Variants in BSN observed in about 807,000 individuals in gnomAD.
The protein encoded by BSN is bassoon presynaptic cytomatrix protein.
Under a neutral mutation model 264.8 loss-of-function variants are expected in BSN, and 57 were observed. The ratio of observed to expected loss-of-function variants is 0.22; its 90% CI spans 0.17 to 0.27. The LOEUF (loss-of-function observed/expected upper bound fraction) is 0.27, where lower values mean the gene tolerates loss of function less well. Ranked by LOEUF, BSN falls within the 10% of genes least tolerant of loss-of-function variation. BSN has a pLI of 1.00. For synonymous variants in BSN, 2,059 were observed against 2,137.3 expected (o/e 0.96, Z 1.01); for missense variants, 4,615 against 5,232.5 (o/e 0.88, Z 3.64).
intron 1 of BSN, among the ~76,000 whole-genome samples, chr3:49,571,229 A>C (rs1013150598): frequency 6.6e-6 from 1 of 152,106 alleles, no homozygotes; most frequent in Non-Finnish European, 1.5e-5. Context: ...TGGAAATACT[A>C]ATTCCAGAGA....
chr3:49,654,029 C>G lies in BSN; in HGVS notation c.4473C>G (p.Phe1491Leu). The G allele has an allele frequency of 6.2e-7, 1 of 1,613,900 alleles. No homozygotes were observed. Among genetic ancestry groups the G allele is most frequent in the Middle Eastern group, 1.6e-4 (1 of 6,062 alleles). ...CTTCCCCCTCAGAGAGTCCCACATTCTCCCCTGGCAAGATGGGCCCAAGGG... is the reference window on the plus strand; with the variant it reads ...CTTCCCCCTCAGAGAGTCCCACATTGTCCCCTGGCAAGATGGGCCCAAGGG... ...SPSSPSESPT[F>L]SPGKMGPRAT... is the part of the protein sequence containing the mutation. The change falls in exon 5 of 12, where the codon TTC (phenylalanine) becomes TTG (leucine). Residue 1491 changes from phenylalanine to leucine, a missense_variant. By Grantham distance (22) the Phe-to-Leu change is conservative. Transcript: ENST00000296452. The surrounding 1 kb of genome is among the most constrained non-coding windows in gnomAD (Gnocchi z 4.1).
downstream of BSN, among the ~76,000 whole-genome samples, chr3:49,672,025 CTTT>C (rs34710169): frequency 1.6e-4 from 16 of 100,428 alleles, no homozygotes; most frequent in African/African-American, 4.4e-4. Flanking sequence ...GTTGCTAGAC[CTTT>C]TTTTTTTTTT....
At chr3:49,575,757 T>A (rs2051841450) in intron 1 of BSN, among the ~76,000 whole-genome samples, 1 of 151,306 alleles carries the variant, frequency 6.6e-6, no homozygotes, top group Admixed American at 6.6e-5. Context: ...CCACTGCCCC[T>A]TTTTTTCTAG....
Position 49,660,499 on chromosome 3 carries a change from C to A in BSN, c.8654C>A (p.Pro2885Gln). The change falls in exon 6 of 12, where the codon CCA becomes CAA. Residue 2885 changes from proline (P) to glutamine (Q), a missense_variant. Around this residue, in one of 3 missense-constraint regions of BSN, gnomAD observed 3,415 missense variants for 3,866.4 expected, o/e 0.88. Coordinates refer to ENST00000296452, the MANE Select transcript of BSN (RefSeq NM_003458.4). This position sits in a 1 kb window ranked among gnomAD's most constrained non-coding sequence, Gnocchi z 7.1. ...CCTCTGTCTCAGGTGTCGGCGTTGC[C>A]ACCCAACAGCCTGGTCCGCAAGGTG... is the stretch of plus-strand genomic sequence containing the variant. The part of the protein sequence containing the change: ...GGLGSQVSAL[P>Q]PNSLVRKVKR... The A allele has an allele frequency of 6.5e-7, 1 of 1,531,382 alleles. No individual in the cohort carries two copies. The highest frequency in any genetic ancestry group is 1.3e-5 in the South Asian group (1 of 77,282). 94.9% of individuals were successfully genotyped at this position (1,531,382 alleles called of 1,614,324 possible).
At chr3:49,647,643 A>G (rs1026597364) in intron 3 of BSN, among the ~76,000 whole-genome samples, 4 of 152,220 alleles carry the variant, frequency 2.6e-5, no homozygotes, top group African/African-American at 9.7e-5. Context: ...AACGAGCGGA[A>G]GAATAAGGGA....
chr3:49,652,983 C>T lies in BSN; in HGVS notation c.3427C>T (p.Pro1143Ser), dbSNP rs972846794. The T allele has an allele frequency of 6.2e-7, 1 of 1,613,056 alleles. No individual in the cohort carries two copies. Among genetic ancestry groups the T allele is most frequent in the Non-Finnish European group, 8.5e-7 (1 of 1,179,684 alleles). Residue 1143 changes from proline (P) to serine (S), a missense_variant, in exon 5 of 12, where the codon CCT (proline) becomes TCT (serine). Pro to Ser is a moderately conservative substitution (Grantham distance 74). Coordinates refer to ENST00000296452, the MANE Select transcript of BSN (RefSeq NM_003458.4). ...TGAGGCTGAGGCCTTGGATGGTGGC[C>T]CTAGCCGGCTTTACAAGTCAGGCAG... ...DSEAEALDGG[P>S]SRLYKSGSEY...
chr3:49,606,240 T>TTAAA (rs1287626014), intron 1 of BSN, among the ~76,000 whole-genome samples: 1 of 60,136 alleles, frequency 1.7e-5, no homozygotes, highest in Non-Finnish European at 2.8e-5. Context: ...ATATTATATA[T>TTAAA]GTATATATTA....
In BSN at chr3:49,558,353, C is replaced by T. The variant is rs142727917; in HGVS notation, c.224+3527C>T. ...TTCTCCATCATTGCCCATCAGAATG[C>T]GTAATCAATGCCAAAGTCGCCTCTC... On this transcript the variant is annotated intron_variant, in intron 1 of 11. Coordinates refer to ENST00000296452, the MANE Select transcript of BSN (RefSeq NM_003458.4). 4.4e-3 allele frequency among the ~76,000 whole-genome samples: 663 copies of T among 152,288 alleles called. 7 individuals carry two copies. The highest frequency in any genetic ancestry group is 0.015 in the African/African-American group (626 of 41,548).
At chr3:49,664,684 T>C in intron 9 of BSN, 115 bp from the exon 10 acceptor site, 2 of 1,543,764 alleles carry the variant, frequency 1.3e-6, no homozygotes, top group South Asian at 2.3e-5. Context: ...GCCCAGTTGT[T>C]CTCCGGGCAA....
intron 1 of BSN, among the ~76,000 whole-genome samples, chr3:49,557,354 G>C (rs540793234): frequency 6.6e-6 from 1 of 152,108 alleles, no homozygotes; most frequent in Non-Finnish European, 1.5e-5. Flanking sequence ...TCATTCACTC[G>C]TTAATTCATT....
Position 49,661,523 on chromosome 3 carries a change from C to T in BSN, c.9678C>T (p.Asn3226=), listed in dbSNP as rs564842995. The T allele has an allele frequency of 9.9e-6, 16 of 1,614,116 alleles. No homozygotes were observed. The Admixed American group carries it at 1.0e-4, about 10-fold the overall frequency. ...SDSHYTSLEQ[N]VPRNYVMIDD... is the part of the protein sequence containing the mutation. Reference sequence around the variant, plus strand: ...CACACTATACCAGTCTGGAGCAGAACGTTCCTCGAAACTACGTAATGATTG... The same window carrying T: ...CACACTATACCAGTCTGGAGCAGAATGTTCCTCGAAACTACGTAATGATTG... The change falls in exon 6 of 12, where the codon AAC becomes AAT. Residue 3226 remains asparagine (N), a synonymous_variant. Coordinates refer to ENST00000296452, the MANE Select transcript of BSN (RefSeq NM_003458.4).
intron 1 of BSN, among the ~76,000 whole-genome samples, chr3:49,570,438 C>G (rs1432535475): frequency 6.6e-6 from 1 of 152,192 alleles, no homozygotes; most frequent in Non-Finnish European, 1.5e-5. Context: ...AGGGTCCATG[C>G]TGTCATTGGT....
intron 1 of BSN, among the ~76,000 whole-genome samples, chr3:49,590,793 C>A (rs1453041017): frequency 6.6e-6 from 1 of 151,262 alleles, no homozygotes; most frequent in African/African-American, 2.4e-5. Context: ...TGTTATATAA[C>A]CTTATATGAT....
In BSN at chr3:49,651,945, C is replaced by G. The variant is rs1225384173; in HGVS notation, c.2389C>G (p.Gln797Glu). The G allele has an allele frequency of 8.7e-6, 14 of 1,613,268 alleles. No homozygotes were observed. The highest frequency in any genetic ancestry group is 1.1e-5 in the Non-Finnish European group (13 of 1,179,778). Residue 797 changes from glutamine (Q) to glutamate (E), a missense_variant, in exon 5 of 12, where the codon CAG becomes GAG. Physicochemically the swap from Gln to Glu is conservative, Grantham distance 29. Transcript: ENST00000296452. This position sits in a 1 kb window ranked among gnomAD's most constrained non-coding sequence, Gnocchi z 5.4. Reference protein sequence around the residue: ...SAEWRRRREQQDTAESSDDFG... With the variant: ...SAEWRRRREQEDTAESSDDFG... ...TGAGTGGAGGCGCCGGAGAGAGCAG[C>G]AGGACACTGCCGAGTCCTCAGACGA...
At chr3:49,601,444 C>G (rs1355102008) in intron 1 of BSN, among the ~76,000 whole-genome samples, 1 of 152,188 alleles carries the variant, frequency 6.6e-6, no homozygotes, top group Non-Finnish European at 1.5e-5. Context: ...GTACCAGTGC[C>G]TGGAAGACTG....
chr3:49,664,725 C>G, intron 9 of BSN, 74 bp from the exon 10 acceptor site: 3 of 1,589,542 alleles, frequency 1.9e-6, no homozygotes, highest in Non-Finnish European at 2.6e-6. Flanking sequence ...CTTGCCTTCA[C>G]TATGCCAAGT....
At chr3:49,605,738 T>TATA (rs2052127212) in intron 1 of BSN, among the ~76,000 whole-genome samples, 1 of 48,324 alleles carries the variant, frequency 2.1e-5, no homozygotes, top group African/African-American at 7.4e-5. Context: ...ATATAATATA[T>TATA]AAATATATAT....
chr3:49,557,585 T>G (rs2051683113), intron 1 of BSN, among the ~76,000 whole-genome samples: 1 of 150,578 alleles, frequency 6.6e-6, no homozygotes, highest in Non-Finnish European at 1.5e-5. Context: ...GTTTTTTTTT[T>G]TTTTTTTTTT....
At chr3:49,622,326 G>A (rs1254112472) in intron 1 of BSN, among the ~76,000 whole-genome samples, 1 of 152,118 alleles carries the variant, frequency 6.6e-6, no homozygotes, top group Non-Finnish European at 1.5e-5. Context: ...CATATATCGC[G>A]ATCTCCAGGT....
Sources: allele counts gnomAD v4.1 joint callset (sites outside exome capture counted in the v4.1 genomes callset), GRCh38; gene constraint gnomAD v4.1.1; regional missense constraint gnomAD v4.1.1; non-coding constraint Gnocchi (gnomAD v3.1); transcripts MANE v1.5; gene names NCBI Gene and HGNC (gene_info 2026-07-23, HGNC 2026-07-21).